The following GFRA1 variants were observed in gnomAD, a reference collection of about 807,000 sequenced individuals.
GFRA1 encodes GDNF family receptor alpha-1.
In GFRA1, 16 loss-of-function variants were observed where a neutral mutation model predicts 51.6. The ratio of observed to expected loss-of-function variants is 0.31; its 90% CI spans 0.21 to 0.47. GFRA1 has a LOEUF of 0.47. Ranked by LOEUF, GFRA1 falls within the 20% of genes least tolerant of loss-of-function variation. GFRA1 has a pLI of 1.00. For synonymous variants in GFRA1, 270 were observed against 241.3 expected (o/e 1.12, Z -1.10); for missense variants, 530 against 594.3 (o/e 0.89, Z 1.13).
intron 5 of GFRA1, among the ~76,000 whole-genome samples, chr10:116,149,552 A>G (rs566615329): frequency 1.3e-5 from 2 of 152,358 alleles, no homozygotes; most frequent in African/African-American, 4.8e-5. Flanking sequence ...TTTTAGAAAT[A>G]TAAAACGTAT....
intron 5 of GFRA1, among the ~76,000 whole-genome samples, chr10:116,130,511 T>C (rs1381151756): frequency 6.6e-6 from 1 of 152,122 alleles, no homozygotes; most frequent in East Asian, 1.9e-4. Context: ...CAAGGTTTAC[T>C]ATAAAGCTTA....
At chr10:116,191,395 A>T (rs1815140390) in intron 5 of GFRA1, among the ~76,000 whole-genome samples, 1 of 152,208 alleles carries the variant, frequency 6.6e-6, no homozygotes, top group South Asian at 2.1e-4. Context: ...AAGAAACTAG[A>T]TTCTGAGTTT....
chr10:116,211,219 G>A (rs568434712), intron 5 of GFRA1, among the ~76,000 whole-genome samples: 4 of 152,232 alleles, frequency 2.6e-5, no homozygotes, highest in Non-Finnish European at 5.9e-5. Context: ...GCTTGGCAAA[G>A]GAATCTCCAC....
At position 116,206,622 on chromosome 10, in the gene GFRA1, CTTTTTTTT is replaced by C. The variant is rs5788142; in HGVS notation, c.433+5001_433+5008del. Among the ~76,000 whole-genome samples the C allele has an allele frequency of 7.1e-5, 6 of 84,496 alleles. No homozygotes were observed. In the East Asian group the frequency reaches 1.5e-3, roughly 21 times the overall value. 55.4% of individuals were successfully genotyped at this position (84,496 alleles called of 152,430 possible). ...GGTTACACTTCTGAAACCACATTCT[CTTTTTTTT>C]TTTTTTTTTTTTTTTGAGACGGAGC... On this transcript the variant is annotated intron_variant, in intron 5 of 10. Coordinates refer to ENST00000355422, the MANE Select transcript of GFRA1 (RefSeq NM_005264.8).
chr10:116,241,714 C>T (rs927867941), intron 4 of GFRA1, among the ~76,000 whole-genome samples: 11 of 152,180 alleles, frequency 7.2e-5, no homozygotes, highest in Admixed American at 2.0e-4. Flanking sequence ...TGGAGACTGA[C>T]GCTTTTGTTG....
At chr10:116,240,033 C>T (rs1303204694) in intron 4 of GFRA1, among the ~76,000 whole-genome samples, 3 of 152,064 alleles carry the variant, frequency 2.0e-5, no homozygotes, top group Admixed American at 6.5e-5. Context: ...AGGATATCTA[C>T]AAGCAGGTGT....
At chr10:116,165,159 T>A (rs1425724325) in intron 5 of GFRA1, among the ~76,000 whole-genome samples, 3 of 152,176 alleles carry the variant, frequency 2.0e-5, no homozygotes, top group East Asian at 1.9e-4. Flanking sequence ...AGCCTCAGTG[T>A]CTTCAGCAAT....
intron 9 of GFRA1, among the ~76,000 whole-genome samples, chr10:116,088,485 C>CT (rs1262622260): frequency 6.6e-6 from 1 of 152,152 alleles, no homozygotes; most frequent in Admixed American, 6.5e-5. Context: ...AGTGCTGACT[C>CT]TGTGACCCAT....
chr10:116,261,798 A>G (rs1409887333), intron 4 of GFRA1, among the ~76,000 whole-genome samples: 4 of 152,262 alleles, frequency 2.6e-5, no homozygotes, highest in African/African-American at 9.6e-5. Flanking sequence ...TGGTAAAAAC[A>G]GCAATTACTT....
At chr10:116,170,953 C>T (rs1032287173) in intron 5 of GFRA1, among the ~76,000 whole-genome samples, 1 of 152,226 alleles carries the variant, frequency 6.6e-6, no homozygotes, top group African/African-American at 2.4e-5. Context: ...TTTGCTAACA[C>T]ATCCCAGCCA....
chr10:116,118,298 A>G (rs1236694954), intron 6 of GFRA1, among the ~76,000 whole-genome samples: 2 of 152,090 alleles, frequency 1.3e-5, no homozygotes, highest in Non-Finnish European at 2.9e-5. Context: ...CACTATCTCT[A>G]CCACTCCAAC....
At chr10:116,097,258 C>A (rs1269374494) in intron 6 of GFRA1, among the ~76,000 whole-genome samples, 1 of 152,184 alleles carries the variant, frequency 6.6e-6, no homozygotes, top group Non-Finnish European at 1.5e-5. Flanking sequence ...GTGTTTCTGT[C>A]TTGTAAGTCA....
chr10:116,066,798 G>C (rs576307415), intron 9 of GFRA1, among the ~76,000 whole-genome samples: 3 of 152,198 alleles, frequency 2.0e-5, no homozygotes, highest in African/African-American at 4.8e-5. Context: ...GACAGACAGA[G>C]AGCTTATTTG....
At chr10:116,148,076 ATGTGTG>A (rs58162393) in intron 5 of GFRA1, among the ~76,000 whole-genome samples, 2 of 31,570 alleles carry the variant, frequency 6.3e-5, no homozygotes, top group African/African-American at 1.7e-4. Context: ...GCGTGTGTGC[ATGTGTG>A]TGTGTGCATG....
At chr10:116,099,851 ATGAAG>A (rs1956748098) in intron 6 of GFRA1, among the ~76,000 whole-genome samples, 1 of 152,278 alleles carries the variant, frequency 6.6e-6, no homozygotes, top group South Asian at 2.1e-4. Flanking sequence ...CCTAGCATGA[ATGAAG>A]TGTTCAGTAC....
At chr10:116,242,265 G>C (rs945610971) in intron 4 of GFRA1, among the ~76,000 whole-genome samples, 11 of 152,202 alleles carry the variant, frequency 7.2e-5, no homozygotes, top group Admixed American at 4.6e-4. Flanking sequence ...ATTATGTGCA[G>C]ATGTAACTCA....
At chr10:116,151,397 C>A (rs1239371817) in intron 5 of GFRA1, among the ~76,000 whole-genome samples, 2 of 152,090 alleles carry the variant, frequency 1.3e-5, no homozygotes, top group Non-Finnish European at 2.9e-5. Flanking sequence ...GTCAGTAACC[C>A]CCACACCTGT....
At chr10:116,255,193 G>C (rs995036513) in intron 4 of GFRA1, among the ~76,000 whole-genome samples, 4 of 152,156 alleles carry the variant, frequency 2.6e-5, no homozygotes, top group African/African-American at 9.7e-5. Context: ...AGGATATGCT[G>C]CTCTGTTTGC....
At chr10:116,141,410 T>C (rs1958558946) in intron 5 of GFRA1, among the ~76,000 whole-genome samples, 1 of 152,176 alleles carries the variant, frequency 6.6e-6, no homozygotes, top group Non-Finnish European at 1.5e-5. Context: ...ATCCAGGTCT[T>C]AGTTGCGAGC....
Sources: allele counts gnomAD v4.1 joint callset (sites outside exome capture counted in the v4.1 genomes callset), GRCh38; gene constraint gnomAD v4.1.1; transcripts MANE v1.5; gene names NCBI Gene and HGNC (gene_info 2026-07-23, HGNC 2026-07-21).